The following UBE2V2 variants were observed in gnomAD, a reference collection of about 807,000 sequenced individuals.
UBE2V2 encodes ubiquitin-conjugating enzyme E2 variant 2.
A neutral mutation model predicts 17.2 loss-of-function variants in UBE2V2; 9 were observed. The ratio of observed to expected loss-of-function variants is 0.52; its 90% CI spans 0.32 to 0.91. The LOEUF is 0.91. Among genes scored for constraint, UBE2V2 ranks in the 40% least tolerant of loss-of-function variants. The probability of loss-of-function intolerance (pLI) is 0.04; values close to 1 mark genes in which losing one functional copy is unlikely to be tolerated. For missense variants in UBE2V2, 133 were observed against 182.6 expected (o/e 0.73, Z 1.56); for synonymous variants, 61 against 57.5 (o/e 1.06, Z -0.28).
At chr8:48,008,370 A>G (rs751966720), upstream of UBE2V2, 14 of 1,511,776 alleles carry the variant, frequency 9.3e-6, no homozygotes, top group Middle Eastern at 1.9e-4. Context: ...GTCCGCTGTG[A>G]CGCGTGCAGG....
chr8:48,037,063 C>T (rs2091429783), intron 1 of UBE2V2, among the ~76,000 whole-genome samples: 1 of 152,154 alleles, frequency 6.6e-6, no homozygotes, highest in African/African-American at 2.4e-5. Flanking sequence ...CCTGTAATCC[C>T]AGCTACTTGG....
intron 1 of UBE2V2, chr8:48,042,103 A>G (rs1457145531): frequency 1.3e-5 from 2 of 152,168 alleles, no homozygotes; most frequent in African/African-American, 4.8e-5. Context: ...AAATTTAGGC[A>G]TCCATGTCAC....
At chr8:48,014,190 G>T (rs2091252058) in intron 1 of UBE2V2, among the ~76,000 whole-genome samples, 2 of 152,106 alleles carry the variant, frequency 1.3e-5, no homozygotes, top group Non-Finnish European at 2.9e-5. Flanking sequence ...TGATAATATG[G>T]TACAACCTCA....
chr8:48,002,753 A>C, the UBE2V2 span, among the ~76,000 whole-genome samples: 1 of 152,222 alleles, frequency 6.6e-6, no homozygotes, highest in Admixed American at 6.6e-5. Flanking sequence ...GAATAAATTC[A>C]GATCTATAGT....
At chr8:48,000,159 G>A in the UBE2V2 span, among the ~76,000 whole-genome samples, 2 of 152,212 alleles carry the variant, frequency 1.3e-5, no homozygotes, top group African/African-American at 4.8e-5. Flanking sequence ...GACAATATGA[G>A]GGGTGGTCTC....
chr8:48,000,237 G>A, the UBE2V2 span, among the ~76,000 whole-genome samples: 1 of 152,146 alleles, frequency 6.6e-6, no homozygotes, highest in African/African-American at 2.4e-5. Flanking sequence ...TGCAACCCTT[G>A]CTGACATCAT....
chr8:48,025,879 C>T (rs1426749113), intron 1 of UBE2V2, among the ~76,000 whole-genome samples: 1 of 152,044 alleles, frequency 6.6e-6, no homozygotes, highest in Non-Finnish European at 1.5e-5. Context: ...GGATTACAGG[C>T]GTGAGCCACC....
chr8:48,051,901 C>T (rs2091541491), intron 3 of UBE2V2, among the ~76,000 whole-genome samples: 1 of 152,222 alleles, frequency 6.6e-6, no homozygotes, highest in Non-Finnish European at 1.5e-5. Context: ...CCTGTGCCAA[C>T]TCAGAGCTGG....
intron 3 of UBE2V2, among the ~76,000 whole-genome samples, chr8:48,051,856 C>T (rs2154508003): frequency 6.6e-6 from 1 of 152,290 alleles, no homozygotes; most frequent in Middle Eastern, 3.4e-3. Context: ...GAAACCTTAG[C>T]CCTGCACCTG....
At chr8:48,003,485 G>C (rs1589844334), upstream of UBE2V2, among the ~76,000 whole-genome samples, 1 of 152,224 alleles carries the variant, frequency 6.6e-6, no homozygotes, top group East Asian at 1.9e-4. Context: ...AAAATGTCAA[G>C]GCAACAATGT....
In UBE2V2 at chr8:48,008,446, C is replaced by G. The variant is rs761237094; in HGVS notation, c.-9C>G. 8 of 1,566,344 alleles carry G rather than the reference C, an allele frequency of 5.1e-6. No homozygotes were observed. The South Asian group carries it at 8.1e-5, about 16-fold the overall frequency. ...GCGTGCGGGCGGCTGCGTCGGGCTG[C>G]AGGAGAAGATGGCGGTCTCCACAGG... is the stretch of plus-strand genomic sequence containing the variant. On this transcript the variant is annotated 5_prime_UTR_variant, in exon 1 of 4. Coordinates refer to ENST00000523111, the MANE Select transcript of UBE2V2 (RefSeq NM_003350.3).
intron 1 of UBE2V2, among the ~76,000 whole-genome samples, chr8:48,040,714 C>A (rs1043655070): frequency 1.3e-5 from 2 of 152,026 alleles, no homozygotes; most frequent in Non-Finnish European, 2.9e-5. Flanking sequence ...TCAGCCTCCA[C>A]CTCCTGGGTT....
chr8:48,005,446 C>T (rs960656549), upstream of UBE2V2, among the ~76,000 whole-genome samples: 4 of 152,120 alleles, frequency 2.6e-5, no homozygotes, highest in South Asian at 6.2e-4. Context: ...GGTTCCAAGT[C>T]TTTGCTATTG....
intron 1 of UBE2V2, among the ~76,000 whole-genome samples, chr8:48,020,076 C>G (rs996612540): frequency 6.6e-6 from 1 of 151,096 alleles, no homozygotes; most frequent in African/African-American, 2.4e-5. Flanking sequence ...CAAGGTCTCC[C>G]TATCTAGGCT....
intron 1 of UBE2V2, among the ~76,000 whole-genome samples, chr8:48,026,726 A>G (rs1280182838): frequency 2.0e-5 from 3 of 152,158 alleles, no homozygotes; most frequent in Non-Finnish European, 2.9e-5. Flanking sequence ...AGGGTCATCC[A>G]TGTTGTAGCA....
At chr8:48,036,934 C>A (rs972674554) in intron 1 of UBE2V2, among the ~76,000 whole-genome samples, 13 of 151,968 alleles carry the variant, frequency 8.6e-5, no homozygotes, top group African/African-American at 2.9e-4. Context: ...AATGCCAGCA[C>A]TTTGGGAGGC....
intron 1 of UBE2V2, 100 bp downstream of exon 1, chr8:48,008,570 G>A (rs2091202841): frequency 2.7e-6 from 4 of 1,461,026 alleles, no homozygotes; most frequent in Non-Finnish European, 3.6e-6. Flanking sequence ...GGAGAAGCCC[G>A]AGTGCGCTGT....
chr8:48,033,867 G>A (rs1223536129), intron 1 of UBE2V2, among the ~76,000 whole-genome samples: 1 of 152,078 alleles, frequency 6.6e-6, no homozygotes, highest in African/African-American at 2.4e-5. Context: ...TAAGGTGGGA[G>A]GATCGCTTGA....
chr8:48,048,633 CT>C (rs1273759364), intron 2 of UBE2V2, among the ~76,000 whole-genome samples: 1 of 152,030 alleles, frequency 6.6e-6, no homozygotes, highest in Non-Finnish European at 1.5e-5. Flanking sequence ...TTATATAGCT[CT>C]TTTTTTCTTA....
Sources: gnomAD v4.1 joint callset for allele counts (sites outside exome capture counted in the v4.1 genomes callset) on GRCh38, gnomAD v4.1.1 for gene constraint, MANE v1.5 for transcripts, NCBI Gene and HGNC (gene_info 2026-07-23, HGNC 2026-07-21) for gene names.